C10orf90: variants seen among roughly 807,000 people sequenced by gnomAD.
The protein encoded by C10orf90 is chromosome 10 open reading frame 90.
Under a neutral mutation model 62.5 loss-of-function variants are expected in C10orf90, and 56 were observed. The ratio of observed to expected loss-of-function variants is 0.90; its 90% CI spans 0.72 to 1.12. The LOEUF is 1.12. C10orf90 is among the 50% of genes most tolerant of loss of function. The pLI, the probability that C10orf90 is intolerant of heterozygous loss-of-function variation, is 0.00. For synonymous variants in C10orf90, 386 were observed against 340.4 expected (o/e 1.13, Z -1.47); for missense variants, 970 against 880.4 (o/e 1.10, Z -1.29).
At chr10:126,641,022 C>T (rs1162041947) in intron 2 of C10orf90, among the ~76,000 whole-genome samples, 2 of 152,132 alleles carry the variant, frequency 1.3e-5, no homozygotes, top group African/African-American at 4.8e-5. Flanking sequence ...AAAGATAATC[C>T]ACACACTGAA....
intron 4 of C10orf90, among the ~76,000 whole-genome samples, chr10:126,481,588 C>T (rs1336908302): frequency 6.6e-6 from 1 of 152,188 alleles, no homozygotes; most frequent in African/African-American, 2.4e-5. Flanking sequence ...GCACCATTCC[C>T]TCTGTGTCAG....
chr10:126,582,512 C>T (rs1250162887), intron 2 of C10orf90, among the ~76,000 whole-genome samples: 1 of 152,130 alleles, frequency 6.6e-6, no homozygotes, highest in Non-Finnish European at 1.5e-5. Context: ...GTGAAAATGT[C>T]GGCTGTGATC....
At chr10:126,621,411 A>C (rs947943655) in intron 2 of C10orf90, among the ~76,000 whole-genome samples, 21 of 152,150 alleles carry the variant, frequency 1.4e-4, no homozygotes, top group African/African-American at 4.3e-4. Context: ...TTTGCTTTTT[A>C]TTCGAACTTG....
At chr10:126,602,938 C>A (rs557619327) in intron 2 of C10orf90, among the ~76,000 whole-genome samples, 1 of 151,682 alleles carries the variant, frequency 6.6e-6, no homozygotes, top group East Asian at 1.9e-4. Context: ...AGATTGGCAA[C>A]TCGGAGAGAG....
intron 2 of C10orf90, among the ~76,000 whole-genome samples, chr10:126,616,207 G>A (rs1845537896): frequency 6.6e-6 from 1 of 152,180 alleles, no homozygotes; most frequent in Non-Finnish European, 1.5e-5. Flanking sequence ...CTGCAAATGT[G>A]CCTCCACATC....
chr10:126,466,418 C>T (rs1349850828), intron 4 of C10orf90, among the ~76,000 whole-genome samples: 2 of 151,970 alleles, frequency 1.3e-5, no homozygotes, highest in Non-Finnish European at 2.9e-5. Context: ...TGTATTTTCT[C>T]AAATGTCTTA....
rs77429500 is a variant in C10orf90, at chr10:126,584,677, C to A, written c.313+61888G>T. Among the ~76,000 whole-genome samples the A allele has an allele frequency of 6.7e-4, 102 of 152,238 alleles. 5 individuals carry two copies. The East Asian group carries it at 0.02, about 30-fold the overall frequency. On this transcript the variant is annotated intron_variant, in intron 2 of 9. Transcript: ENST00000488181. ...CTAACAGCACAAGAGACCAAGGGACCCAAACCCCTCTCAGAATCCCACTGA... is the reference window on the plus strand; with the variant it reads ...CTAACAGCACAAGAGACCAAGGGACACAAACCCCTCTCAGAATCCCACTGA...
At chr10:126,615,907 C>T (rs994454306) in intron 2 of C10orf90, among the ~76,000 whole-genome samples, 2 of 152,202 alleles carry the variant, frequency 1.3e-5, no homozygotes, top group Non-Finnish European at 2.9e-5. Flanking sequence ...TCCAATTTGG[C>T]CACTTACTGG....
At chr10:126,428,300 G>T (rs1436927767) in intron 8 of C10orf90, among the ~76,000 whole-genome samples, 1 of 152,170 alleles carries the variant, frequency 6.6e-6, no homozygotes, top group Non-Finnish European at 1.5e-5. Flanking sequence ...GGGAAAGTGG[G>T]CTGGGAACAG....
At chr10:126,527,262 G>C (rs1387507923) in intron 2 of C10orf90, among the ~76,000 whole-genome samples, 1 of 152,208 alleles carries the variant, frequency 6.6e-6, no homozygotes, top group Admixed American at 6.5e-5. Flanking sequence ...TCCAGCGGGT[G>C]TGAAGTGGTA....
chr10:126,587,693 G>A (rs1287082933), intron 2 of C10orf90, among the ~76,000 whole-genome samples: 1 of 152,198 alleles, frequency 6.6e-6, no homozygotes, highest in Admixed American at 6.5e-5. Flanking sequence ...GATGTGGTTG[G>A]TTAGTTGACA....
At position 126,603,326 on chromosome 10, in the gene C10orf90, G is replaced by A. The variant is rs569161486; in HGVS notation, c.313+43239C>T. 1.2e-4 allele frequency among the ~76,000 whole-genome samples: 18 copies of A among 152,130 alleles called. 1 individual carries two copies. In the South Asian group the frequency reaches 2.5e-3, roughly 21 times the overall value. ...TCAAGGAGAAGTGCTGAGCAAAAGCGGGAAAAGCCCCTTATAAAACCATCA... is the reference window on the plus strand; with the variant it reads ...TCAAGGAGAAGTGCTGAGCAAAAGCAGGAAAAGCCCCTTATAAAACCATCA... On this transcript the variant is annotated intron_variant, in intron 2 of 9. Coordinates refer to ENST00000488181, the MANE Select transcript of C10orf90 (RefSeq NM_001350921.2).
chr10:126,451,817 T>C (rs1304706041), intron 7 of C10orf90, among the ~76,000 whole-genome samples: 1 of 151,978 alleles, frequency 6.6e-6, no homozygotes. Context: ...CTAAGTGAAA[T>C]AAACCAGGAA....
At chr10:126,447,836 CGTT>C (rs969791331) in intron 7 of C10orf90, among the ~76,000 whole-genome samples, 2 of 48,200 alleles carry the variant, frequency 4.1e-5, no homozygotes, top group African/African-American at 2.4e-4. Context: ...AGTATCTTTT[CGTT>C]GTTGTTGTTG....
intron 7 of C10orf90, among the ~76,000 whole-genome samples, chr10:126,434,499 C>T (rs1313789786): frequency 6.6e-6 from 1 of 152,198 alleles, no homozygotes; most frequent in African/African-American, 2.4e-5. Flanking sequence ...AGCCTATTTT[C>T]TGAAGTCACC....
intron 4 of C10orf90, among the ~76,000 whole-genome samples, chr10:126,498,628 A>C (rs1862208691): frequency 6.6e-6 from 1 of 152,204 alleles, no homozygotes; most frequent in Non-Finnish European, 1.5e-5. Context: ...TTCAGGAAAG[A>C]AGAGCTTCTT....
intron 2 of C10orf90, among the ~76,000 whole-genome samples, chr10:126,573,190 G>A (rs1290331005): frequency 2.0e-5 from 3 of 152,116 alleles, no homozygotes; most frequent in Non-Finnish European, 4.4e-5. Context: ...TGAGAGGGTC[G>A]TGATCGATTG....
In C10orf90 at chr10:126,639,968, C is replaced by T. The variant is rs148704121; in HGVS notation, c.313+6597G>A. Reference sequence around the variant, plus strand: ...AGTAGAAGATGGCACAGAAGCACAGCGGCTCTTCATAAGAGGACACACAGG... The same window carrying T: ...AGTAGAAGATGGCACAGAAGCACAGTGGCTCTTCATAAGAGGACACACAGG... On this transcript the variant is annotated intron_variant, in intron 2 of 9. Transcript: ENST00000488181. Among the ~76,000 whole-genome samples, 690 of 152,258 alleles carry T rather than the reference C, an allele frequency of 4.5e-3. 8 individuals carry two copies. The highest frequency in any genetic ancestry group is 0.045 in the Middle Eastern group (13 of 292).
At chr10:126,664,465 C>A (rs1459908990) in intron 1 of C10orf90, among the ~76,000 whole-genome samples, 1 of 152,104 alleles carries the variant, frequency 6.6e-6, no homozygotes, top group Non-Finnish European at 1.5e-5. Context: ...ATCATTTTTC[C>A]TATGAACACA....
Sources: allele counts gnomAD v4.1 joint callset (sites outside exome capture counted in the v4.1 genomes callset), GRCh38; gene constraint gnomAD v4.1.1; transcripts MANE v1.5; gene names NCBI Gene and HGNC (gene_info 2026-07-23, HGNC 2026-07-21).